The following ATG10 variants were observed in gnomAD, a reference collection of about 807,000 sequenced individuals.
The protein encoded by ATG10 is autophagy related 10, also known as ubiquitin-like-conjugating enzyme ATG10.
ATG10 carries 30 observed loss-of-function variants against 32.1 expected under a neutral mutation model. That is an observed-to-expected ratio of 0.94 (90% CI 0.70 to 1.27). The LOEUF (loss-of-function observed/expected upper bound fraction) is 1.27. Among genes scored for constraint, ATG10 ranks in the 50% most tolerant of loss-of-function variants. The pLI is 0.00. For synonymous variants in ATG10, 87 were observed against 91.5 expected (o/e 0.95, Z 0.28); for missense variants, 233 against 262.3 (o/e 0.89, Z 0.77).
rs563093952 is a variant in ATG10, at chr5:82,077,195, C to T, written c.216+18593C>T. Among the ~76,000 whole-genome samples, 43 of 152,198 alleles carry T rather than the reference C, an allele frequency of 2.8e-4. No individual in the cohort carries two copies. In the South Asian group the frequency reaches 8.1e-3, roughly 29 times the overall value. ...AAAACTAGCCAGGCATAGTGGCGTA[C>T]GCCTGTAGTCCCAGCTACACGAGAG... On this transcript the variant is annotated intron_variant, in intron 3 of 7. Coordinates refer to ENST00000282185, the MANE Select transcript of ATG10 (RefSeq NM_031482.5).
At chr5:82,088,816 G>A (rs1764777457) in intron 3 of ATG10, among the ~76,000 whole-genome samples, 1 of 152,146 alleles carries the variant, frequency 6.6e-6, no homozygotes, top group Non-Finnish European at 1.5e-5. Flanking sequence ...CACAGTTAGA[G>A]GGCTAGGTCA....
At chr5:82,061,692 TTA>T (rs1763778630) in intron 3 of ATG10, among the ~76,000 whole-genome samples, 1 of 148,552 alleles carries the variant, frequency 6.7e-6, no homozygotes, top group African/African-American at 2.5e-5. Context: ...ACATAATGTA[TTA>T]TATATAATAT....
chr5:81,996,087 T>G (rs553478665), intron 2 of ATG10, among the ~76,000 whole-genome samples: 64 of 152,330 alleles, frequency 4.2e-4, no homozygotes, highest in Non-Finnish European at 7.2e-4. Context: ...TTAGTTTAAT[T>G]TACTTCACTA....
At chr5:82,200,348 G>A (rs1278151848) in intron 5 of ATG10, among the ~76,000 whole-genome samples, 1 of 150,358 alleles carries the variant, frequency 6.7e-6, no homozygotes, top group East Asian at 2.0e-4. Flanking sequence ...ATCATACTAT[G>A]GTTTTTGTTT....
chr5:81,984,167 G>T (rs1209712545), intron 1 of ATG10, among the ~76,000 whole-genome samples: 1 of 152,272 alleles, frequency 6.6e-6, no homozygotes, highest in Non-Finnish European at 1.5e-5. Flanking sequence ...GACTCCGTCT[G>T]CAATCCCGGC....
chr5:82,187,788 A>T (rs1349527646), intron 5 of ATG10, among the ~76,000 whole-genome samples: 2 of 151,776 alleles, frequency 1.3e-5, no homozygotes, highest in South Asian at 2.1e-4. Context: ...GGGTTTCACC[A>T]TGTTGATCAG....
chr5:82,242,296 T>C (rs2150020373), intron 5 of ATG10, among the ~76,000 whole-genome samples: 1 of 152,168 alleles, frequency 6.6e-6, no homozygotes, highest in East Asian at 1.9e-4. Flanking sequence ...CATTAATGTA[T>C]GAGAAGAATC....
At chr5:81,983,864 G>A (rs1308649258) in intron 1 of ATG10, among the ~76,000 whole-genome samples, 5 of 151,934 alleles carry the variant, frequency 3.3e-5, no homozygotes, top group Admixed American at 6.5e-5. Context: ...CATCCCAGAC[G>A]GGGCAGCGGG....
intron 2 of ATG10, among the ~76,000 whole-genome samples, chr5:82,027,075 A>AAAT (rs1227107089): frequency 6.9e-6 from 1 of 144,720 alleles, no homozygotes; most frequent in African/African-American, 2.6e-5. Context: ...ATGAATAAAT[A>AAAT]AAATAAATAA....
chr5:82,108,129 C>CACA (rs1346388349), intron 3 of ATG10, among the ~76,000 whole-genome samples: 4 of 151,942 alleles, frequency 2.6e-5, no homozygotes, highest in African/African-American at 9.7e-5. Flanking sequence ...GAGCAAACTG[C>CACA]ACACCATTTC....
At chr5:82,136,562 C>A (rs1766759245) in intron 3 of ATG10, among the ~76,000 whole-genome samples, 1 of 152,210 alleles carries the variant, frequency 6.6e-6, no homozygotes. Context: ...TCCCTACTCT[C>A]TTCTGGCTTG....
At chr5:82,183,771 C>G (rs932386297) in intron 5 of ATG10, among the ~76,000 whole-genome samples, 1 of 152,138 alleles carries the variant, frequency 6.6e-6, no homozygotes, top group Non-Finnish European at 1.5e-5. Context: ...TTGATTCTTT[C>G]CCTTTGTGAG....
chr5:82,129,621 A>C (rs1450160695), intron 3 of ATG10, among the ~76,000 whole-genome samples: 1 of 151,956 alleles, frequency 6.6e-6, no homozygotes, highest in East Asian at 2.0e-4. Context: ...GGACTGCTGG[A>C]GTTTCCTGGA....
intron 3 of ATG10, among the ~76,000 whole-genome samples, chr5:82,107,751 A>G (rs1328618336): frequency 2.0e-5 from 3 of 152,094 alleles, no homozygotes; most frequent in African/African-American, 7.2e-5. Flanking sequence ...TCTATTCTTC[A>G]ATAATTTATA....
At chr5:82,036,232 C>G (rs1432109623) in intron 2 of ATG10, among the ~76,000 whole-genome samples, 1 of 152,118 alleles carries the variant, frequency 6.6e-6, no homozygotes, top group African/African-American at 2.4e-5. Context: ...ATATATGGCC[C>G]TGTTTTCTAG....
At chr5:82,123,555 C>T (rs1312498973) in intron 3 of ATG10, among the ~76,000 whole-genome samples, 2 of 151,740 alleles carry the variant, frequency 1.3e-5, no homozygotes, top group Non-Finnish European at 2.9e-5. Context: ...TAGATGGGTC[C>T]TTTACAAAGC....
At chr5:82,090,684 T>C (rs1419311122) in intron 3 of ATG10, among the ~76,000 whole-genome samples, 1 of 152,064 alleles carries the variant, frequency 6.6e-6, no homozygotes, top group African/African-American at 2.4e-5. Flanking sequence ...GTATCTTCAC[T>C]GTATCAGTGT....
intron 3 of ATG10, among the ~76,000 whole-genome samples, chr5:82,099,186 A>T (rs749555202): frequency 5.3e-5 from 8 of 152,156 alleles, no homozygotes; most frequent in Non-Finnish European, 1.0e-4. Flanking sequence ...GTTGGAAAAA[A>T]CTTTACCTCT....
intron 3 of ATG10, among the ~76,000 whole-genome samples, chr5:82,158,568 A>G (rs1047916500): frequency 6.6e-6 from 1 of 152,158 alleles, no homozygotes; most frequent in Admixed American, 6.6e-5. Flanking sequence ...ATGGGAGGAT[A>G]TGTGTAGATT....
Sources: allele counts gnomAD v4.1 joint callset (sites outside exome capture counted in the v4.1 genomes callset), GRCh38; gene constraint gnomAD v4.1.1; transcripts MANE v1.5; gene names NCBI Gene and HGNC (gene_info 2026-07-23, HGNC 2026-07-21).